The following MAML2 variants were observed in gnomAD, a reference collection of about 807,000 sequenced individuals.
The protein encoded by MAML2 is mastermind like transcriptional coactivator 2, also known as mastermind-like protein 2.
A neutral mutation model predicts 96.1 loss-of-function variants in MAML2; 22 were observed. The ratio of observed to expected loss-of-function variants is 0.23; its 90% CI spans 0.16 to 0.33. MAML2 has a LOEUF of 0.33. Among genes scored for constraint, MAML2 ranks in the 10% least tolerant of loss-of-function variants. MAML2 has a pLI of 1.00. For missense variants in MAML2, 1,367 were observed against 1,392.4 expected (o/e 0.98, Z 0.29); for synonymous variants, 561 against 521.3 (o/e 1.08, Z -1.04).
At chr11:96,165,323 C>A (rs1861174565) in intron 1 of MAML2, among the ~76,000 whole-genome samples, 1 of 152,094 alleles carries the variant, frequency 6.6e-6, no homozygotes, top group African/African-American at 2.4e-5. Context: ...GGCTTTAGGG[C>A]AGAGATCCAT....
intron 1 of MAML2, among the ~76,000 whole-genome samples, chr11:96,324,875 T>C (rs1863753677): frequency 6.6e-6 from 1 of 152,230 alleles, no homozygotes; most frequent in African/African-American, 2.4e-5. Flanking sequence ...CTCTTCATAA[T>C]GACCTTGTAG....
chr11:96,020,713 T>C (rs370507298), intron 2 of MAML2, among the ~76,000 whole-genome samples: 1 of 152,354 alleles, frequency 6.6e-6, no homozygotes. Flanking sequence ...TTTCAGACAA[T>C]GTTTACAGTT....
intron 1 of MAML2, among the ~76,000 whole-genome samples, chr11:96,206,440 A>G (rs1368670271): frequency 2.0e-5 from 3 of 152,196 alleles, no homozygotes; most frequent in Admixed American, 6.5e-5. Flanking sequence ...TACTAAAAAT[A>G]TAAAACAAAA....
intron 1 of MAML2, among the ~76,000 whole-genome samples, chr11:96,323,846 C>T (rs1863741001): frequency 1.3e-5 from 2 of 152,232 alleles, no homozygotes; most frequent in African/African-American, 2.4e-5. Flanking sequence ...ATCCTCCACA[C>T]AGCCCTCCAG....
At position 96,102,181 on chromosome 11, in the gene MAML2, C is replaced by T. The variant is rs368685208; in HGVS notation, c.514-8664G>A. 2.0e-3 allele frequency among the ~76,000 whole-genome samples: 299 copies of T among 152,250 alleles called. 13 individuals are homozygous for T. The South Asian group carries it at 0.061, about 31-fold the overall frequency. On this transcript the variant is annotated intron_variant, in intron 1 of 4. Transcript: ENST00000524717. ...GTCCCAGCTACTTGGGAGGCTGAGG[C>T]AGGAAAACGGCGTGAACCTGGGAGG...
At chr11:96,176,642 C>T (rs1433797941) in intron 1 of MAML2, among the ~76,000 whole-genome samples, 2 of 151,958 alleles carry the variant, frequency 1.3e-5, no homozygotes, top group Non-Finnish European at 2.9e-5. Context: ...CTTTTCGAAG[C>T]CTAGTCTTGT....
chr11:96,078,930 T>C (rs1391051243), intron 2 of MAML2, among the ~76,000 whole-genome samples: 1 of 152,206 alleles, frequency 6.6e-6, no homozygotes, highest in Non-Finnish European at 1.5e-5. Flanking sequence ...GAGCTTGGAG[T>C]AGTCTGCTGG....
chr11:96,050,518 T>G (rs977201278), intron 2 of MAML2, among the ~76,000 whole-genome samples: 1 of 152,218 alleles, frequency 6.6e-6, no homozygotes. Flanking sequence ...TCTTTTCCTT[T>G]TTGCATGAGA....
At chr11:95,988,903 T>C (rs1394711518) in intron 3 of MAML2, among the ~76,000 whole-genome samples, 5 of 152,206 alleles carry the variant, frequency 3.3e-5, no homozygotes, top group African/African-American at 7.2e-5. Context: ...GAAAACCCAT[T>C]ATAGAAATCA....
chr11:96,335,729 A>G (rs1005650278), intron 1 of MAML2, among the ~76,000 whole-genome samples: 1 of 152,090 alleles, frequency 6.6e-6, no homozygotes, highest in African/African-American at 2.4e-5. Context: ...TCCTTGCTCT[A>G]CCATTTTCCA....
intron 3 of MAML2, among the ~76,000 whole-genome samples, chr11:95,990,503 T>C (rs533715634): frequency 1.3e-5 from 2 of 152,288 alleles, no homozygotes; most frequent in East Asian, 3.9e-4. Context: ...AGATAGAAAG[T>C]TCTTTCTGAA....
chr11:96,085,977 G>C (rs1233558301), intron 2 of MAML2, among the ~76,000 whole-genome samples: 1 of 152,132 alleles, frequency 6.6e-6, no homozygotes, highest in Non-Finnish European at 1.5e-5. Context: ...TCTGTGAAAG[G>C]TTAAAAAACA....
chr11:95,978,361 T>A lies in MAML2; in HGVS notation c.*587A>T. ...GAAAATTGTAAAAGTGAGGAGTGAA[T>A]ATGGGGAAGAAATTCTGTAATCCAC... is the stretch of plus-strand genomic sequence containing the variant. On this transcript the variant is annotated 3_prime_UTR_variant, in exon 5 of 5. Transcript: ENST00000524717. 1 of 197,350 alleles carries A rather than the reference T, an allele frequency of 5.1e-6. No individual in the cohort carries two copies. The highest frequency in any genetic ancestry group is 1.1e-5 in the Non-Finnish European group (1 of 95,204). The allele number at this position is 197,350 out of a possible 1,614,324, so 12.2% of individuals were successfully genotyped here. A position where few individuals can be genotyped will look rare whatever the true frequency, so the allele number is the denominator to read the frequency against.
intron 1 of MAML2, among the ~76,000 whole-genome samples, chr11:96,116,344 G>C (rs1860241297): frequency 6.6e-6 from 1 of 152,150 alleles, no homozygotes; most frequent in Admixed American, 6.5e-5. Flanking sequence ...TGACTGACAA[G>C]AGACGACAAA....
At chr11:96,077,777 T>A (rs1355777270) in intron 2 of MAML2, among the ~76,000 whole-genome samples, 1 of 152,196 alleles carries the variant, frequency 6.6e-6, no homozygotes, top group Non-Finnish European at 1.5e-5. Context: ...GCAGCGGTGG[T>A]GGGCCCTGCC....
At chr11:96,209,498 C>T (rs1286658695) in intron 1 of MAML2, among the ~76,000 whole-genome samples, 2 of 151,990 alleles carry the variant, frequency 1.3e-5, no homozygotes, top group African/African-American at 4.8e-5. Flanking sequence ...TCGCTTGAAC[C>T]TGGGAGACGG....
At chr11:96,288,193 A>G (rs1281435700) in intron 1 of MAML2, among the ~76,000 whole-genome samples, 6 of 152,320 alleles carry the variant, frequency 3.9e-5, no homozygotes, top group Admixed American at 2.0e-4. Flanking sequence ...AATGTACAAT[A>G]TTTTTTAACA....
chr11:96,332,936 C>T (rs1565286785), intron 1 of MAML2, among the ~76,000 whole-genome samples: 1 of 152,188 alleles, frequency 6.6e-6, no homozygotes, highest in South Asian at 2.1e-4. Flanking sequence ...CTAAGAGATA[C>T]TGTGTATCCA....
At chr11:96,111,195 CCAT>C (rs1311657414) in intron 1 of MAML2, among the ~76,000 whole-genome samples, 1 of 152,142 alleles carries the variant, frequency 6.6e-6, no homozygotes, top group Non-Finnish European at 1.5e-5. Flanking sequence ...CTTTTGCTTC[CCAT>C]CATATTTTTA....
Sources: allele counts gnomAD v4.1 joint callset (sites outside exome capture counted in the v4.1 genomes callset), GRCh38; gene constraint gnomAD v4.1.1; transcripts MANE v1.5; gene names NCBI Gene and HGNC (gene_info 2026-07-23, HGNC 2026-07-21).